RAP1A: variants seen among roughly 807,000 people sequenced by gnomAD.
RAP1A encodes RAP1A, member of RAS oncogene family.
In RAP1A, 6 loss-of-function variants were observed where a neutral mutation model predicts 26.4. The observed-to-expected ratio is 0.23, with a 90% CI of 0.12 to 0.45. RAP1A has a LOEUF of 0.45. Ranked by LOEUF, RAP1A falls within the 20% of genes least tolerant of loss-of-function variation. RAP1A has a pLI of 0.99. For missense variants in RAP1A, 121 were observed against 217.2 expected (o/e 0.56, Z 2.78); for synonymous variants, 73 against 79.4 (o/e 0.92, Z 0.43).
intron 1 of RAP1A, among the ~76,000 whole-genome samples, chr1:111,669,026 G>GAAAAAAAAAAAA (rs58557062): frequency 5.0e-5 from 1 of 19,840 alleles, no homozygotes; most frequent in Non-Finnish European, 1.2e-4. Flanking sequence ...CCTATCTCAA[G>GAAAAAAAAAAAA]AAAAAAAAAA....
At chr1:111,702,770 G>A (rs142242563) in intron 4 of RAP1A, among the ~76,000 whole-genome samples, 1 of 152,260 alleles carries the variant, frequency 6.6e-6, no homozygotes, top group East Asian at 1.9e-4. Flanking sequence ...GTGTTGGCCA[G>A]GCTAGTCTTG....
At chr1:111,609,422 C>A (rs1434052612) in intron 1 of RAP1A, among the ~76,000 whole-genome samples, 2 of 152,002 alleles carry the variant, frequency 1.3e-5, no homozygotes, top group East Asian at 3.8e-4. Context: ...TTGACCCTTA[C>A]TTTTTTTTAC....
chr1:111,607,682 G>C (rs1658818483), intron 1 of RAP1A, among the ~76,000 whole-genome samples: 2 of 146,994 alleles, frequency 1.4e-5, no homozygotes, highest in Admixed American at 1.3e-4. Context: ...CGGCTGGCCG[G>C]GCGGCGGGCT....
intron 1 of RAP1A, chr1:111,542,564 T>G (rs1223915004): frequency 6.2e-6 from 1 of 160,530 alleles, no homozygotes; most frequent in African/African-American, 2.4e-5. Flanking sequence ...GCCAAAAGTA[T>G]GAATGCCCTT....
At chr1:111,542,164 G>T, upstream of RAP1A, 1 of 424,044 alleles carries the variant, frequency 2.4e-6, no homozygotes, top group Non-Finnish European at 4.8e-6. Flanking sequence ...TTGAGTAGAT[G>T]CCTTGGATAA....
intron 1 of RAP1A, among the ~76,000 whole-genome samples, chr1:111,659,638 T>C (rs570220174): frequency 6.6e-6 from 1 of 152,262 alleles, no homozygotes; most frequent in African/African-American, 2.4e-5. Flanking sequence ...TGGATTAATA[T>C]ATATCTACCA....
At chr1:111,632,022 A>G (rs917960589) in intron 1 of RAP1A, among the ~76,000 whole-genome samples, 2 of 152,122 alleles carry the variant, frequency 1.3e-5, no homozygotes, top group African/African-American at 4.8e-5. Flanking sequence ...AAATGAGGTG[A>G]TGGAATTACA....
At chr1:111,559,568 T>A (rs144125625) in intron 1 of RAP1A, among the ~76,000 whole-genome samples, 14 of 152,302 alleles carry the variant, frequency 9.2e-5, no homozygotes, top group African/African-American at 3.4e-4. Context: ...AAGGAGATCA[T>A]AATTTCTATC....
At chr1:111,688,295 G>GTGTGTA (rs1553226242) in intron 1 of RAP1A, among the ~76,000 whole-genome samples, 17 of 92,764 alleles carry the variant, frequency 1.8e-4, no homozygotes, top group African/African-American at 5.5e-4. Context: ...GTGTGTGTGT[G>GTGTGTA]TGTGTATATA....
chr1:111,597,815 C>T (rs1658589614), intron 1 of RAP1A, among the ~76,000 whole-genome samples: 1 of 152,174 alleles, frequency 6.6e-6, no homozygotes, highest in Non-Finnish European at 1.5e-5. Flanking sequence ...GGTCTCATGC[C>T]GCAGACTTGG....
chr1:111,564,039 C>A, intron 1 of RAP1A: 1 of 949,730 alleles, frequency 1.1e-6, no homozygotes, highest in South Asian at 1.3e-5. Flanking sequence ...ATTAGAGAAC[C>A]AGGAATTCCC....
chr1:111,609,611 G>A (rs1240903909), intron 1 of RAP1A, among the ~76,000 whole-genome samples: 1 of 152,120 alleles, frequency 6.6e-6, no homozygotes, highest in Non-Finnish European at 1.5e-5. Context: ...GCACAGAGTT[G>A]ATATTCAATA....
intron 1 of RAP1A, among the ~76,000 whole-genome samples, chr1:111,645,697 A>G (rs886407250): frequency 6.6e-6 from 1 of 152,230 alleles, no homozygotes; most frequent in Non-Finnish European, 1.5e-5. Flanking sequence ...TAACCCTGCG[A>G]GCCAGGCACT....
chr1:111,586,912 A>T (rs1330702511), intron 1 of RAP1A, among the ~76,000 whole-genome samples: 2 of 152,138 alleles, frequency 1.3e-5, no homozygotes, highest in South Asian at 2.1e-4. Flanking sequence ...CTGGAATCTG[A>T]TTCACATTCA....
intron 2 of RAP1A, among the ~76,000 whole-genome samples, chr1:111,693,253 GTTGAAGA>G (rs1661724119): frequency 6.6e-6 from 1 of 152,180 alleles, no homozygotes; most frequent in Non-Finnish European, 1.5e-5. Flanking sequence ...AATGGGGTGG[GTTGAAGA>G]TTAAATGAGA....
intron 1 of RAP1A, among the ~76,000 whole-genome samples, chr1:111,609,664 C>T (rs1166051241): frequency 1.3e-5 from 2 of 152,126 alleles, no homozygotes; most frequent in Admixed American, 6.5e-5. Context: ...GAGATGGAGT[C>T]TTGCTCTGTT....
chr1:111,659,047 T>G (rs1206329177), intron 1 of RAP1A, among the ~76,000 whole-genome samples: 1 of 152,196 alleles, frequency 6.6e-6, no homozygotes, highest in Non-Finnish European at 1.5e-5. Flanking sequence ...CAGAATAATA[T>G]AGCTACTGTT....
intron 4 of RAP1A, among the ~76,000 whole-genome samples, chr1:111,698,001 G>C (rs575843176): frequency 6.6e-6 from 1 of 152,106 alleles, no homozygotes; most frequent in Admixed American, 6.5e-5. Context: ...AATGATGTTA[G>C]TACATCATAA....
At chr1:111,667,003 C>A (rs757506462) in intron 1 of RAP1A, among the ~76,000 whole-genome samples, 23 of 152,154 alleles carry the variant, frequency 1.5e-4, no homozygotes, top group Non-Finnish European at 2.6e-4. Context: ...GGAGTTTAAT[C>A]TTTACCCTAT....
Sources: allele counts gnomAD v4.1 joint callset (sites outside exome capture counted in the v4.1 genomes callset), GRCh38; gene constraint gnomAD v4.1.1; transcripts MANE v1.5; gene names NCBI Gene and HGNC (gene_info 2026-07-23, HGNC 2026-07-21).